The following ALK variants were observed in gnomAD, a reference collection of about 807,000 sequenced individuals.
ALK encodes ALK receptor tyrosine kinase, also known as ALK tyrosine kinase receptor.
Under a neutral mutation model 163.1 loss-of-function variants are expected in ALK, and 74 were observed. That is an observed-to-expected ratio of 0.45 (90% CI 0.38 to 0.55). The LOEUF (loss-of-function observed/expected upper bound fraction) is 0.55. ALK is among the 20% of genes least tolerant of loss of function. The pLI is 0.00. For synonymous variants in ALK, 960 were observed against 843.2 expected (o/e 1.14, Z -2.40); for missense variants, 2,063 against 2,105.3 (o/e 0.98, Z 0.39).
chr2:29,577,549 C>A (rs1168621776), intron 3 of ALK, among the ~76,000 whole-genome samples: 1 of 152,014 alleles, frequency 6.6e-6, no homozygotes, highest in African/African-American at 2.4e-5. Context: ...GTGGCCATGA[C>A]GATAAAGGAT....
Position 29,227,011 on chromosome 2 carries a change from T to A in ALK, c.2978A>T (p.Asp993Val), listed in dbSNP as rs1451931405. Residue 993 changes from aspartate (D) to valine (V), a missense_variant, in exon 18 of 29, where the codon GAC becomes GTC. By Grantham distance (152) the Asp-to-Val change is radical. Transcript: ENST00000389048. The surrounding 1 kb of genome is among the most constrained non-coding windows in gnomAD (Gnocchi z 4.4). ...HYLNCSHCEV[D>V]ECHMDPESHK... is the part of the protein sequence containing the mutation. ...GCTTTCAGGGTCCATGTGACATTCG[T>A]CTACCTCACAGTGACTGCAGTTTAG... 1 of 1,614,204 alleles carries A rather than the reference T, an allele frequency of 6.2e-7. No individual in the cohort carries two copies. The highest frequency in any genetic ancestry group is 8.5e-7 in the Non-Finnish European group (1 of 1,180,042).
intron 4 of ALK, among the ~76,000 whole-genome samples, chr2:29,494,470 T>G (rs1368635752): frequency 6.6e-6 from 1 of 152,044 alleles, no homozygotes; most frequent in Non-Finnish European, 1.5e-5. Flanking sequence ...AACAGCAAAC[T>G]TTCCCACACT....
chr2:29,208,141 A>AC, intron 25 of ALK: 1 of 433,044 alleles, frequency 2.3e-6, no homozygotes. Context: ...AATATAGAAA[A>AC]CACAGTAATG....
At chr2:29,381,904 G>C (rs1275060175) in intron 5 of ALK, among the ~76,000 whole-genome samples, 1 of 152,148 alleles carries the variant, frequency 6.6e-6, no homozygotes, top group Non-Finnish European at 1.5e-5. Flanking sequence ...CTATGGGAAG[G>C]AAATTTAGAA....
rs1481667471 is a variant in ALK, at chr2:29,246,493, G to C, written c.2204+4612C>G. ...ATCCGCTCCAGCCACCCACCCTCTAGACACCATGGTTACTCAGCACCACGG... is the reference window on the plus strand; with the variant it reads ...ATCCGCTCCAGCCACCCACCCTCTACACACCATGGTTACTCAGCACCACGG... On this transcript the variant is annotated intron_variant, in intron 12 of 28. Transcript: ENST00000389048. This position sits in a 1 kb window ranked among gnomAD's most constrained non-coding sequence, Gnocchi z 4.3. Among the ~76,000 whole-genome samples the C allele has an allele frequency of 6.6e-6, 1 of 152,146 alleles. No homozygotes were observed. Among genetic ancestry groups the C allele is most frequent in the Non-Finnish European group, 1.5e-5 (1 of 68,014 alleles).
chr2:29,382,293 C>T (rs1377242757), intron 5 of ALK, among the ~76,000 whole-genome samples: 1 of 152,158 alleles, frequency 6.6e-6, no homozygotes, highest in Non-Finnish European at 1.5e-5. Context: ...GAAAAGCAGA[C>T]AGGAACGGGT....
At chr2:29,465,043 GT>G (rs2148106012) in intron 4 of ALK, among the ~76,000 whole-genome samples, 1 of 152,280 alleles carries the variant, frequency 6.6e-6, no homozygotes, top group Admixed American at 6.5e-5. Flanking sequence ...TTCCAAATTT[GT>G]TGAAAACTTT....
chr2:29,789,458 T>C (rs984360367), intron 1 of ALK, among the ~76,000 whole-genome samples: 6 of 152,128 alleles, frequency 3.9e-5, no homozygotes, highest in Non-Finnish European at 8.8e-5. Flanking sequence ...CTTGGCAGAG[T>C]CACACAGTTA....
chr2:29,612,421 A>G (rs553156821), intron 3 of ALK, among the ~76,000 whole-genome samples: 30 of 152,190 alleles, frequency 2.0e-4, no homozygotes, highest in Admixed American at 3.3e-4. Flanking sequence ...AGTTATTTCT[A>G]CGTTTCAGGG....
intron 2 of ALK, among the ~76,000 whole-genome samples, chr2:29,695,799 T>C (rs1488031822): frequency 1.3e-5 from 2 of 152,090 alleles, no homozygotes; most frequent in East Asian, 3.9e-4. Flanking sequence ...GAAATGCAAA[T>C]CAAAACCACA....
rs1672592210 is a variant in ALK, at chr2:29,514,035, C to A, written c.1154+17880G>T. 2.0e-5 allele frequency among the ~76,000 whole-genome samples: 2 copies of A among 102,148 alleles called. 1 individual carries two copies. Among genetic ancestry groups the A allele is most frequent in the Non-Finnish European group, 4.0e-5 (2 of 49,400 alleles). 67.0% of individuals were successfully genotyped at this position (102,148 alleles called of 152,430 possible). A position where few individuals can be genotyped will look rare whatever the true frequency, so the allele number is the denominator to read the frequency against. On this transcript the variant is annotated intron_variant, in intron 4 of 28. Coordinates refer to ENST00000389048, the MANE Select transcript of ALK (RefSeq NM_004304.5). ...GAGAGGATGTGGAGAAACAGGAACA[C>A]TTTTACACTGTTGGTGAGACTGTAA... is the stretch of plus-strand genomic sequence containing the variant.
At chr2:29,239,605 A>T in intron 13 of ALK, 75 bp downstream of exon 13, 1 of 1,559,494 alleles carries the variant, frequency 6.4e-7, no homozygotes, top group Non-Finnish European at 8.8e-7. Flanking sequence ...GAGGGTGTTG[A>T]GTGTTGGTGC....
At chr2:29,586,268 T>G (rs991366689) in intron 3 of ALK, among the ~76,000 whole-genome samples, 2 of 152,238 alleles carry the variant, frequency 1.3e-5, no homozygotes, top group Non-Finnish European at 1.5e-5. Flanking sequence ...GAGGCTTTCA[T>G]ACATATATTA....
At chr2:29,386,593 T>G (rs1669037586) in intron 4 of ALK, among the ~76,000 whole-genome samples, 1 of 152,258 alleles carries the variant, frequency 6.6e-6, no homozygotes, top group Admixed American at 6.5e-5. Context: ...ATGATGGATT[T>G]TAATTCCAGG....
intron 3 of ALK, among the ~76,000 whole-genome samples, chr2:29,541,823 A>T (rs1445308605): frequency 6.6e-6 from 1 of 152,186 alleles, no homozygotes; most frequent in East Asian, 1.9e-4. Context: ...GGAGAGGTTG[A>T]TACCTTTAAA....
Position 29,830,712 on chromosome 2 carries a change from T to TAAAAAAAAAAAAAA in ALK, c.667+89280_667+89281insTTTTTTTTTTTTTT, listed in dbSNP as rs1665344950. Among the ~76,000 whole-genome samples the TAAAAAAAAAAAAAA allele has an allele frequency of 6.3e-5, 4 of 63,512 alleles. 2 individuals carry two copies. Among genetic ancestry groups the TAAAAAAAAAAAAAA allele is most frequent in the African/African-American group, 1.2e-4 (2 of 16,046 alleles). 41.7% of individuals were successfully genotyped at this position (63,512 alleles called of 152,430 possible). A position where few individuals can be genotyped will look rare whatever the true frequency, so the allele number is the denominator to read the frequency against. On this transcript the variant is annotated intron_variant, in intron 1 of 28. Transcript: ENST00000389048. ...AGCAAGACCCTGTCTCTAAAATAGT[T>TAAAAAAAAAAAAAA]TAAAAAAAAAAAAAAAAAAAAAAAA...
At chr2:29,753,988 C>T (rs768349070) in intron 1 of ALK, among the ~76,000 whole-genome samples, 32 of 152,112 alleles carry the variant, frequency 2.1e-4, no homozygotes, top group Admixed American at 6.5e-4. Context: ...AGCAGATTTG[C>T]TCCCTCTCCC....
At chr2:29,639,886 A>C (rs551444553) in intron 3 of ALK, among the ~76,000 whole-genome samples, 1 of 152,192 alleles carries the variant, frequency 6.6e-6, no homozygotes, top group Non-Finnish European at 1.5e-5. Context: ...CAGGGTTTGC[A>C]TGATTTCATC....
chr2:29,257,158 T>TG (rs1002283597), intron 11 of ALK, among the ~76,000 whole-genome samples: 1 of 151,868 alleles, frequency 6.6e-6, no homozygotes, highest in Non-Finnish European at 1.5e-5. Flanking sequence ...GGATCTGGGA[T>TG]GGGGGGCAGA....
Sources: allele counts gnomAD v4.1 joint callset (sites outside exome capture counted in the v4.1 genomes callset), GRCh38; gene constraint gnomAD v4.1.1; non-coding constraint Gnocchi (gnomAD v3.1); transcripts MANE v1.5; gene names NCBI Gene and HGNC (gene_info 2026-07-23, HGNC 2026-07-21).